Variants in ANKRA2 observed in about 807,000 individuals in gnomAD.
ANKRA2 encodes ankyrin repeat family A protein 2.
In ANKRA2, 33 loss-of-function variants were observed where a neutral mutation model predicts 37.8. The ratio of observed to expected loss-of-function variants is 0.87; its 90% CI spans 0.66 to 1.17. The LOEUF is 1.17. Ranked by LOEUF, ANKRA2 falls within the 50% of genes most tolerant of loss-of-function variation. The pLI is 0.00. For missense variants in ANKRA2, 326 were observed against 373.7 expected, an observed-to-expected ratio of 0.87 and a Z score of 1.05; for synonymous variants, 126 against 132.3, an observed-to-expected ratio of 0.95 and a Z score of 0.33.
At chr5:73,555,998 T>C (rs1406377239) in intron 4 of ANKRA2, among the ~76,000 whole-genome samples, 4 of 152,178 alleles carry the variant, frequency 2.6e-5, no homozygotes, top group African/African-American at 4.8e-5. Context: ...GTTGGGAGGA[T>C]CATAATAAAA....
chr5:73,561,521 T>A (rs2339698), intron 2 of ANKRA2, among the ~76,000 whole-genome samples: 57,239 of 151,496 alleles, frequency 0.38, 12,260 homozygotes, highest in East Asian at 0.65. Flanking sequence ...ACCCCAGCAC[T>A]TTGGGAGGCC....
intron 3 of ANKRA2, among the ~76,000 whole-genome samples, chr5:73,557,963 G>C (rs1488659469): frequency 6.6e-6 from 1 of 152,068 alleles, no homozygotes; most frequent in Admixed American, 6.6e-5. Context: ...TGTAATCCCA[G>C]CTACTTGGGA....
chr5:73,552,451 T>A lies in ANKRA2; in HGVS notation c.*346A>T, dbSNP rs1011580955. 5.8e-6 allele frequency: 1 copy of A among 173,822 alleles called. No homozygotes were observed. Among genetic ancestry groups the A allele is most frequent in the Non-Finnish European group, 1.2e-5 (1 of 82,910 alleles). The allele number at this position is 173,822 out of a possible 1,614,324, so 10.8% of individuals were successfully genotyped here. A position where few individuals can be genotyped will look rare whatever the true frequency, so the allele number is the denominator to read the frequency against. On this transcript the variant is annotated 3_prime_UTR_variant, in exon 9 of 9. Coordinates refer to ENST00000296785, the MANE Select transcript of ANKRA2 (RefSeq NM_023039.5). ...CTAGGGATTTATAGCAAACCCTATA[T>A]AAAGTGAATGACTTAATACACGAGT...
chr5:73,555,709 TA>T (rs1309329668), intron 4 of ANKRA2, 124 bp from the exon 5 acceptor site: 10 of 833,044 alleles, frequency 1.2e-5, no homozygotes, highest in South Asian at 3.2e-5. Context: ...GTGCTGACTT[TA>T]TGTTGGTGTC....
rs879188528 is a variant in ANKRA2 at position 73,553,012 on chromosome 5, A to G, written c.887-160T>C. On this transcript the variant is annotated intron_variant, in intron 8 of 8. Coordinates refer to ENST00000296785, the MANE Select transcript of ANKRA2 (RefSeq NM_023039.5). ...CAATAATACAATGCAATACTTTAAA[A>G]AACTTGAAACTTAGTCTGTCACTGA... Among the ~76,000 whole-genome samples, 7 of 152,224 alleles carry G rather than the reference A, an allele frequency of 4.6e-5. No homozygotes were observed. The South Asian group carries it at 1.4e-3, about 31-fold the overall frequency.
Position 73,552,904 on chromosome 5 carries a change from T to C in ANKRA2, c.887-52A>G, listed in dbSNP as rs1747291412. On this transcript the variant is annotated intron_variant, in intron 8 of 8. Coordinates refer to ENST00000296785, the MANE Select transcript of ANKRA2 (RefSeq NM_023039.5). Reference sequence around the variant, plus strand: ...CAGCACAGTGACTATAAAATTTCTTTTAAAACTATCAAATTTAACTTATCC... The same window carrying C: ...CAGCACAGTGACTATAAAATTTCTTCTAAAACTATCAAATTTAACTTATCC... The C allele has an allele frequency of 7.7e-6, 11 of 1,433,652 alleles. No individual in the cohort carries two copies. The Admixed American group carries it at 2.0e-4, about 26-fold the overall frequency. The allele number at this position is 1,433,652 out of a possible 1,614,324, so 88.8% of individuals were successfully genotyped here. A position where few individuals can be genotyped will look rare whatever the true frequency, so the allele number is the denominator to read the frequency against.
At position 73,555,004 on chromosome 5, in the gene ANKRA2, G is replaced by A; in HGVS notation, c.613-18C>T. ...TCAGCACCCTGGTATGGGAAGTAGAGATAAAAGACTTCTCAATTAGTTTAA... is the reference window on the plus strand; with the variant it reads ...TCAGCACCCTGGTATGGGAAGTAGAAATAAAAGACTTCTCAATTAGTTTAA... On this transcript the variant is annotated intron_variant, in intron 5 of 8. Transcript: ENST00000296785. 14 of 1,595,090 alleles carry A rather than the reference G, an allele frequency of 8.8e-6. No individual in the cohort carries two copies. The highest frequency in any genetic ancestry group is 1.2e-5 in the Non-Finnish European group (14 of 1,174,650).
intron 5 of ANKRA2, 44 bp from the exon 6 acceptor site, chr5:73,555,030 A>G: frequency 1.3e-6 from 2 of 1,588,706 alleles, no homozygotes; most frequent in Non-Finnish European, 1.7e-6. Flanking sequence ...ATTAGTTTAA[A>G]CAAGAATATT....
chr5:73,553,591 A>G, intron 7 of ANKRA2, 105 bp from the exon 8 acceptor site: 1 of 946,498 alleles, frequency 1.1e-6, no homozygotes, highest in Non-Finnish European at 1.6e-6. Flanking sequence ...AGTTTGGAGA[A>G]TGTTTTAGGA....
chr5:73,557,407 ATTCC>A, intron 4 of ANKRA2, 164 bp downstream of exon 4: 1 of 360,300 alleles, frequency 2.8e-6, no homozygotes, highest in African/African-American at 2.8e-5. Context: ...TACGCTTTAT[ATTCC>A]TTTTTTTTTT....
intron 2 of ANKRA2, chr5:73,561,507 T>C (rs1250069298): frequency 8.9e-6 from 4 of 450,556 alleles, no homozygotes; most frequent in Admixed American, 8.7e-5. Flanking sequence ...TGCTCACGCC[T>C]GTAACCCCAG....
chr5:73,557,902 C>T (rs540160191), intron 3 of ANKRA2, among the ~76,000 whole-genome samples: 3 of 152,000 alleles, frequency 2.0e-5, no homozygotes, highest in East Asian at 3.9e-4. Context: ...CGTGGCAAAA[C>T]CCTGTCTCTA....
chr5:73,554,960 T>C lies in ANKRA2; in HGVS notation c.639A>G (p.Lys213=), dbSNP rs748959327. ...QNGADPQLLG[K]GRESALSLAC... is the part of the protein sequence containing the mutation. ...CCAACGACAGTGCACTTTCTCGACC[T>C]TTTCCTAAAAGTTGGGGATCAGCAC... Residue 213 remains lysine (K), a synonymous_variant, in exon 6 of 9, where the codon AAA becomes AAG. Transcript: ENST00000296785. 2.5e-6 allele frequency: 4 copies of C among 1,612,604 alleles called. No individual in the cohort carries two copies. Among genetic ancestry groups the C allele is most frequent in the Admixed American group, 3.3e-5 (2 of 59,836 alleles).
At chr5:73,554,458 A>G in intron 6 of ANKRA2, 70 bp from the exon 7 acceptor site, 1 of 1,058,918 alleles carries the variant, frequency 9.4e-7, no homozygotes, top group East Asian at 2.4e-5. Flanking sequence ...TGCTGCTGTA[A>G]GAAGTTTTAC....
At chr5:73,557,362 T>G (rs2112012880) in intron 4 of ANKRA2, 1 of 335,410 alleles carries the variant, frequency 3.0e-6, no homozygotes, top group East Asian at 4.8e-5. Flanking sequence ...TAACGTTTGC[T>G]TTTGGGGAAA....
intron 7 of ANKRA2, 70 bp from the exon 8 acceptor site, chr5:73,553,556 G>A: frequency 7.7e-7 from 1 of 1,292,902 alleles, no homozygotes; most frequent in South Asian, 1.2e-5. Context: ...ATTGGCTCAT[G>A]TACAAATAGC....
intron 4 of ANKRA2, among the ~76,000 whole-genome samples, chr5:73,557,272 C>T (rs950336992): frequency 3.3e-5 from 5 of 151,860 alleles, no homozygotes; most frequent in African/African-American, 9.7e-5. Flanking sequence ...AAATAACAAG[C>T]ACATATACAT....
chr5:73,553,078 T>C (rs1249061252), intron 8 of ANKRA2, among the ~76,000 whole-genome samples: 3 of 152,258 alleles, frequency 2.0e-5, no homozygotes, highest in Admixed American at 6.5e-5. Context: ...TTTGTTTCTT[T>C]ATTTTTGAAA....
Position 73,554,486 on chromosome 5 carries a change from T to C in ANKRA2, c.739-98A>G. On this transcript the variant is annotated intron_variant, in intron 6 of 8. Coordinates refer to ENST00000296785, the MANE Select transcript of ANKRA2 (RefSeq NM_023039.5). Reference sequence around the variant, plus strand: ...AGTTTTACTAGAATTAGACATATAATCATTTAAAGTAATTTTAATATTTTG... The same window carrying C: ...AGTTTTACTAGAATTAGACATATAACCATTTAAAGTAATTTTAATATTTTG... The C allele has an allele frequency of 6.5e-6, 5 of 768,690 alleles. No homozygotes were observed. In the South Asian group the frequency reaches 8.5e-5, roughly 13 times the overall value. 47.6% of individuals were successfully genotyped at this position (768,690 alleles called of 1,614,324 possible).
Sources: gnomAD v4.1 joint callset for allele counts (sites outside exome capture counted in the v4.1 genomes callset) on GRCh38, gnomAD v4.1.1 for gene constraint, MANE v1.5 for transcripts, NCBI Gene and HGNC (gene_info 2026-07-23, HGNC 2026-07-21) for gene names.